Variants in GLIS1 observed in about 807,000 individuals in gnomAD.
GLIS1 encodes GLIS family zinc finger 1, also known as zinc finger protein GLIS1.
Under a neutral mutation model 63.8 loss-of-function variants are expected in GLIS1, and 24 were observed. That is an observed-to-expected ratio of 0.38 (90% CI 0.27 to 0.53). GLIS1 has a LOEUF of 0.53. GLIS1 is among the 20% of genes least tolerant of loss of function. The probability of loss-of-function intolerance (pLI) is 0.85; values close to 1 mark genes in which losing one functional copy is unlikely to be tolerated. For missense variants in GLIS1, 1,036 were observed against 1,074.1 expected (o/e 0.96, Z 0.50); for synonymous variants, 450 against 482.5 (o/e 0.93, Z 0.88).
At chr1:53,544,391 C>T (rs995046817) in intron 4 of GLIS1, among the ~76,000 whole-genome samples, 3 of 152,170 alleles carry the variant, frequency 2.0e-5, no homozygotes, top group African/African-American at 4.8e-5. Flanking sequence ...GGCCTTCGGG[C>T]AGCTCACTTG....
chr1:53,664,484 A>G (rs1646066683), intron 2 of GLIS1, among the ~76,000 whole-genome samples: 1 of 152,270 alleles, frequency 6.6e-6, no homozygotes, highest in Non-Finnish European at 1.5e-5. Context: ...GCAGACAACC[A>G]TAACAATGGA....
intron 4 of GLIS1, among the ~76,000 whole-genome samples, chr1:53,554,567 G>C (rs1222770234): frequency 6.6e-6 from 1 of 152,200 alleles, no homozygotes; most frequent in Admixed American, 6.5e-5. Flanking sequence ...GGCACTACAG[G>C]ACTAGTCCGG....
At position 53,583,249 on chromosome 1, in the gene GLIS1, C is replaced by G. The variant is rs567912056; in HGVS notation, c.1320+10859G>C. Among the ~76,000 whole-genome samples the G allele has an allele frequency of 1.2e-4, 19 of 152,330 alleles. No homozygotes were observed. In the South Asian group the frequency reaches 3.5e-3, roughly 28 times the overall value. ...CAGCAATCCAGCCACCGCCCTGTGC[C>G]TTCCCTGAGCACAGGATCTAGCCAT... is the stretch of plus-strand genomic sequence containing the variant. On this transcript the variant is annotated intron_variant, in intron 4 of 10. Coordinates refer to ENST00000628545, the MANE Select transcript of GLIS1 (RefSeq NM_001367484.1).
intron 2 of GLIS1, among the ~76,000 whole-genome samples, chr1:53,707,682 A>AT (rs1044488383): frequency 1.7e-4 from 26 of 150,882 alleles, no homozygotes; most frequent in East Asian, 5.9e-4. Flanking sequence ...CCATTTATTG[A>AT]TTTTTTTTTC....
At chr1:53,636,052 C>G (rs1056099835) in intron 2 of GLIS1, among the ~76,000 whole-genome samples, 5 of 152,066 alleles carry the variant, frequency 3.3e-5, no homozygotes. Flanking sequence ...ACTCATTCTT[C>G]CAGAGACTAG....
At chr1:53,680,659 GC>G (rs1452717363) in intron 2 of GLIS1, among the ~76,000 whole-genome samples, 2 of 152,178 alleles carry the variant, frequency 1.3e-5, no homozygotes, top group African/African-American at 4.8e-5. Context: ...AACTCACGTG[GC>G]CAGAAAACAA....
chr1:53,610,985 TTTTTTCATTTAAAA>T (rs1281722227), intron 2 of GLIS1, among the ~76,000 whole-genome samples: 4 of 152,204 alleles, frequency 2.6e-5, no homozygotes, highest in African/African-American at 9.7e-5. Context: ...TGTTACTATA[TTTTTTCATTTAAAA>T]TTTTTCATTT....
chr1:53,681,099 T>C (rs1361889147), intron 2 of GLIS1, among the ~76,000 whole-genome samples: 2 of 152,218 alleles, frequency 1.3e-5, no homozygotes, highest in Non-Finnish European at 2.9e-5. Context: ...TTCTCGGCCT[T>C]GGGTCCACAC....
intron 2 of GLIS1, among the ~76,000 whole-genome samples, chr1:53,607,886 C>T (rs1645387251): frequency 6.6e-6 from 1 of 151,894 alleles, no homozygotes; most frequent in Admixed American, 6.6e-5. Context: ...CAGCAGCCTT[C>T]TCACTATGTC....
rs370047570 is a variant in GLIS1, at chr1:53,713,533, A to G, written c.259+24273T>C. ...TCTTCAAGACCAGCCTGGGCAACACAGTAAGACCTCGTCTCTTCAAGACCA... is the reference window on the plus strand; with the variant it reads ...TCTTCAAGACCAGCCTGGGCAACACGGTAAGACCTCGTCTCTTCAAGACCA... On this transcript the variant is annotated intron_variant, in intron 2 of 10. Coordinates refer to ENST00000628545, the MANE Select transcript of GLIS1 (RefSeq NM_001367484.1). 3.8e-4 allele frequency among the ~76,000 whole-genome samples: 52 copies of G among 137,058 alleles called. No individual in the cohort carries two copies. In the South Asian group the frequency reaches 0.011, roughly 29 times the overall value. The allele number at this position is 137,058 out of a possible 152,430, so 89.9% of individuals were successfully genotyped here. A position where few individuals can be genotyped will look rare whatever the true frequency, so the allele number is the denominator to read the frequency against.
intron 2 of GLIS1, among the ~76,000 whole-genome samples, chr1:53,660,428 T>C (rs1326109354): frequency 2.0e-5 from 3 of 152,110 alleles, no homozygotes. Flanking sequence ...CGTGCCCCAT[T>C]TGCACCCAAG....
intron 2 of GLIS1, among the ~76,000 whole-genome samples, chr1:53,610,387 C>T (rs948360148): frequency 5.3e-5 from 8 of 152,104 alleles, no homozygotes; most frequent in African/African-American, 1.9e-4. Flanking sequence ...TTCTGGGACC[C>T]AAACATTTGT....
At chr1:53,726,392 G>A (rs988755008) in intron 2 of GLIS1, among the ~76,000 whole-genome samples, 5 of 152,172 alleles carry the variant, frequency 3.3e-5, no homozygotes, top group East Asian at 3.8e-4. Context: ...CTCATGGGAC[G>A]TCTACTCACA....
intron 2 of GLIS1, among the ~76,000 whole-genome samples, chr1:53,644,596 G>C (rs559399653): frequency 6.6e-6 from 1 of 152,316 alleles, no homozygotes; most frequent in South Asian, 2.1e-4. Flanking sequence ...GGGGGTGCTG[G>C]GGTAGGGCAG....
At chr1:53,533,379 C>T (rs1190255355) in intron 4 of GLIS1, among the ~76,000 whole-genome samples, 4 of 152,194 alleles carry the variant, frequency 2.6e-5, no homozygotes, top group Admixed American at 1.3e-4. Context: ...ATGCAGTCCA[C>T]GCACCCCTGT....
chr1:53,723,558 A>G (rs79988489), intron 2 of GLIS1, among the ~76,000 whole-genome samples: 527 of 152,250 alleles, frequency 3.5e-3, no homozygotes, highest in Non-Finnish European at 6.3e-3. Context: ...AAGTAATAAG[A>G]CTATATTCAG....
intron 2 of GLIS1, among the ~76,000 whole-genome samples, chr1:53,717,962 C>T (rs780960616): frequency 1.3e-5 from 2 of 152,152 alleles, no homozygotes; most frequent in African/African-American, 4.8e-5. Context: ...CACCCCAGAC[C>T]GTGATTCCAG....
chr1:53,544,867 T>C (rs1644681994), intron 4 of GLIS1, among the ~76,000 whole-genome samples: 1 of 152,068 alleles, frequency 6.6e-6, no homozygotes, highest in Non-Finnish European at 1.5e-5. Context: ...TAAATGCAAA[T>C]GGCTGGGCTG....
At chr1:53,610,774 C>G (rs1645417259) in intron 2 of GLIS1, among the ~76,000 whole-genome samples, 1 of 152,190 alleles carries the variant, frequency 6.6e-6, no homozygotes, top group African/African-American at 2.4e-5. Context: ...TGCTCGTCGT[C>G]TTTCCCCTGT....
Sources: gnomAD v4.1 joint callset for allele counts (sites outside exome capture counted in the v4.1 genomes callset) on GRCh38, gnomAD v4.1.1 for gene constraint, MANE v1.5 for transcripts, NCBI Gene and HGNC (gene_info 2026-07-23, HGNC 2026-07-21) for gene names.